The following MYO9A variants were observed in gnomAD, a reference collection of about 807,000 sequenced individuals.
MYO9A encodes unconventional myosin-IXa.
A neutral mutation model predicts 293.3 loss-of-function variants in MYO9A; 103 were observed. The observed-to-expected ratio is 0.35, with a 90% CI of 0.30 to 0.41. MYO9A has a LOEUF of 0.41. MYO9A is among the 10% of genes least tolerant of loss of function. The probability of loss-of-function intolerance (pLI) is 1.00; values close to 1 mark genes in which losing one functional copy is unlikely to be tolerated. For synonymous variants in MYO9A, 1,001 were observed against 1,035.7 expected, an observed-to-expected ratio of 0.97 and a Z score of 0.64; for missense variants, 2,685 against 3,033.0, an observed-to-expected ratio of 0.89 and a Z score of 2.69.
At chr15:72,091,432 G>T (rs912456511) in intron 1 of MYO9A, among the ~76,000 whole-genome samples, 3 of 151,386 alleles carry the variant, frequency 2.0e-5, no homozygotes, top group African/African-American at 7.3e-5. Flanking sequence ...TTTCCACATG[G>T]CTAAAACAGT....
At chr15:72,070,122 A>T (rs2079142491) in intron 1 of MYO9A, among the ~76,000 whole-genome samples, 1 of 122,120 alleles carries the variant, frequency 8.2e-6, no homozygotes, top group Non-Finnish European at 1.7e-5. Flanking sequence ...CAGTGAGACT[A>T]TGTCTCAAAA....
Position 71,826,587 on chromosome 15 carries a change from A to G in MYO9A, c.7640T>C (p.Met2547Thr). 6.3e-7 allele frequency: 1 copy of G among 1,590,844 alleles called. No homozygotes were observed. The highest frequency in any genetic ancestry group is 8.5e-7 in the Non-Finnish European group (1 of 1,172,012). Residue 2547 changes from methionine (M) to threonine (T), a missense_variant, in exon 42 of 42, where the codon ATG becomes ACG. This residue lies in a region of MYO9A where 350 missense variants were observed against 328.9 expected (regional missense o/e 1.06). Transcript: ENST00000356056. ...QLALFGNNEF[M>T]V ...GGACACACATCTGCCGGTTCAGACC[A>G]TAAATTCATTATTTCCAAAGAGTGC...
At chr15:71,927,280 G>T (rs975149525) in intron 18 of MYO9A, among the ~76,000 whole-genome samples, 2 of 152,212 alleles carry the variant, frequency 1.3e-5, no homozygotes, top group Non-Finnish European at 1.5e-5. Context: ...TGCATAGTCT[G>T]CAAATATTTT....
At chr15:71,878,942 A>G (rs2056786493) in intron 30 of MYO9A, among the ~76,000 whole-genome samples, 1 of 151,834 alleles carries the variant, frequency 6.6e-6, no homozygotes. Flanking sequence ...TTTTTATTAG[A>G]GACGGGGTTT....
At chr15:72,081,443 C>T (rs1460030084) in intron 1 of MYO9A, among the ~76,000 whole-genome samples, 2 of 152,122 alleles carry the variant, frequency 1.3e-5, no homozygotes, top group South Asian at 2.1e-4. Context: ...TTTATAGGTG[C>T]TAGATATTAG....
chr15:72,034,287 C>T (rs774830837), intron 2 of MYO9A, among the ~76,000 whole-genome samples: 1 of 152,098 alleles, frequency 6.6e-6, no homozygotes, highest in Non-Finnish European at 1.5e-5. Context: ...CTTATAAAAC[C>T]CCCTTCGAGT....
intron 1 of MYO9A, among the ~76,000 whole-genome samples, chr15:72,054,897 A>AG (rs1390559409): frequency 4.6e-5 from 7 of 151,910 alleles, no homozygotes; most frequent in Admixed American, 3.3e-4. Context: ...TCTCTCAGAA[A>AG]GGAAAAAAAA....
chr15:71,933,639 C>A (rs752358576), intron 18 of MYO9A, 31 bp downstream of exon 18: 1 of 1,578,104 alleles, frequency 6.3e-7, no homozygotes, highest in Non-Finnish European at 8.6e-7. Flanking sequence ...TAGCAGAATA[C>A]CAATACAAAA....
intron 2 of MYO9A, among the ~76,000 whole-genome samples, chr15:72,034,815 A>G (rs1157974008): frequency 6.6e-6 from 1 of 152,210 alleles, no homozygotes; most frequent in African/African-American, 2.4e-5. Context: ...TCTTATTTTC[A>G]TATATGCTAC....
At chr15:72,061,368 A>G (rs2078872720) in intron 1 of MYO9A, among the ~76,000 whole-genome samples, 1 of 152,114 alleles carries the variant, frequency 6.6e-6, no homozygotes, top group Admixed American at 6.5e-5. Context: ...CAGTAAAATA[A>G]AGTACTAAGC....
chr15:71,883,465 A>ATGC, intron 28 of MYO9A, 129 bp downstream of exon 28: 2 of 974,932 alleles, frequency 2.1e-6, no homozygotes, highest in Non-Finnish European at 2.9e-6. Context: ...GGATTTAACA[A>ATGC]TGCTGGTCCT....
chr15:71,950,154 C>T (rs902658302), intron 15 of MYO9A: 11 of 151,686 alleles, frequency 7.3e-5, no homozygotes, highest in African/African-American at 2.2e-4. Flanking sequence ...TACAGTTTTA[C>T]GTATAATAAA....
intron 1 of MYO9A, among the ~76,000 whole-genome samples, chr15:72,103,619 G>A (rs370330683): frequency 1.6e-5 from 2 of 126,898 alleles, no homozygotes; most frequent in Non-Finnish European, 3.3e-5. Context: ...AGAAGCAACA[G>A]AAGAAGCAGA....
chr15:72,113,350 G>A (rs921598600), intron 1 of MYO9A, among the ~76,000 whole-genome samples: 41 of 152,122 alleles, frequency 2.7e-4, no homozygotes, highest in African/African-American at 9.2e-4. Context: ...CAAAGAAAGG[G>A]GAAAGTGGAA....
At chr15:71,835,572 A>G (rs1250270935) in intron 39 of MYO9A, among the ~76,000 whole-genome samples, 1 of 152,182 alleles carries the variant, frequency 6.6e-6, no homozygotes, top group African/African-American at 2.4e-5. Flanking sequence ...CAAACTAAAG[A>G]TGTGTAAAAT....
At chr15:72,076,112 T>C (rs980916923) in intron 1 of MYO9A, among the ~76,000 whole-genome samples, 2 of 152,152 alleles carry the variant, frequency 1.3e-5, no homozygotes, top group Admixed American at 6.6e-5. Flanking sequence ...GAGACCAGCC[T>C]GGCCAACATG....
chr15:71,852,032 A>G, intron 36 of MYO9A, 100 bp downstream of exon 36: 1 of 1,294,640 alleles, frequency 7.7e-7, no homozygotes, highest in Non-Finnish European at 1.0e-6. Context: ...TGAATCTATA[A>G]GAATTAAACC....
At chr15:72,005,082 TACTA>T (rs888790041) in intron 8 of MYO9A, among the ~76,000 whole-genome samples, 6 of 152,206 alleles carry the variant, frequency 3.9e-5, no homozygotes, top group African/African-American at 1.4e-4. Context: ...AATTTCTAAG[TACTA>T]ACTAAAGATG....
intron 1 of MYO9A, among the ~76,000 whole-genome samples, chr15:72,074,992 T>G (rs1220847241): frequency 7.3e-6 from 1 of 137,460 alleles, no homozygotes; most frequent in Non-Finnish European, 1.5e-5. Flanking sequence ...GAGACAGAGT[T>G]TTGCTCTTGT....
Sources: gnomAD v4.1 joint callset for allele counts (sites outside exome capture counted in the v4.1 genomes callset) on GRCh38, gnomAD v4.1.1 for gene constraint, gnomAD v4.1.1 regional missense constraint, MANE v1.5 for transcripts, NCBI Gene and HGNC (gene_info 2026-07-23, HGNC 2026-07-21) for gene names.